AFAP1: variants seen among roughly 807,000 people sequenced by gnomAD.
The protein encoded by AFAP1 is actin filament-associated protein 1.
A neutral mutation model predicts 93.9 loss-of-function variants in AFAP1; 75 were observed. That is an observed-to-expected ratio of 0.80 (90% CI 0.66 to 0.97). AFAP1 has a LOEUF of 0.97. Ranked by LOEUF, AFAP1 falls within the 50% of genes least tolerant of loss-of-function variation. The pLI, the probability that AFAP1 is intolerant of heterozygous loss-of-function variation, is 0.00. For missense variants in AFAP1, 1,201 were observed against 1,050.8 expected, an observed-to-expected ratio of 1.14 and a Z score of -1.98; for synonymous variants, 517 against 430.7, an observed-to-expected ratio of 1.20 and a Z score of -2.48.
At chr4:7,797,398 A>G (rs1718532223) in intron 10 of AFAP1, among the ~76,000 whole-genome samples, 1 of 152,214 alleles carries the variant, frequency 6.6e-6, no homozygotes, top group East Asian at 1.9e-4. Flanking sequence ...GATCAAAATT[A>G]ACATCATGAG....
chr4:7,817,047 A>G (rs116810944), intron 7 of AFAP1, among the ~76,000 whole-genome samples: 5 of 152,326 alleles, frequency 3.3e-5, no homozygotes, highest in Non-Finnish European at 5.9e-5. Context: ...AGAAACCAAC[A>G]TAAGTAAAGC....
At position 7,840,267 on chromosome 4, in the gene AFAP1, T is replaced by C. The variant is rs868269050; in HGVS notation, c.547-1564A>G. Among the ~76,000 whole-genome samples, 4 of 144,820 alleles carry C rather than the reference T, an allele frequency of 2.8e-5. No homozygotes were observed. The South Asian group carries it at 6.5e-4, about 23-fold the overall frequency. On this transcript the variant is annotated intron_variant, in intron 5 of 17. Coordinates refer to ENST00000420658, the MANE Select transcript of AFAP1 (RefSeq NM_001134647.2). ...CTTTCTGGTTTGTTTTTGGGATGTG[T>C]GTGTGTGTGTGTGTGTGTGTTCCTG... is the stretch of plus-strand genomic sequence containing the variant.
intron 11 of AFAP1, among the ~76,000 whole-genome samples, chr4:7,792,932 G>A (rs931947786): frequency 3.3e-5 from 5 of 152,144 alleles, no homozygotes; most frequent in South Asian, 4.1e-4. Context: ...CTATTGGTGC[G>A]AAGCTGCCAG....
chr4:7,894,183 A>T (rs1266633233), intron 1 of AFAP1, among the ~76,000 whole-genome samples: 2 of 152,216 alleles, frequency 1.3e-5, no homozygotes, highest in Non-Finnish European at 2.9e-5. Flanking sequence ...ACTGCAGCCC[A>T]CACCTGGCCC....
intron 5 of AFAP1, among the ~76,000 whole-genome samples, chr4:7,841,370 C>T (rs1394772557): frequency 6.6e-6 from 1 of 152,230 alleles, no homozygotes; most frequent in Non-Finnish European, 1.5e-5. Flanking sequence ...CTCTTCAATG[C>T]AGACAGTCCC....
intron 9 of AFAP1, among the ~76,000 whole-genome samples, chr4:7,804,032 C>G (rs927035971): frequency 6.6e-6 from 1 of 152,158 alleles, no homozygotes; most frequent in Non-Finnish European, 1.5e-5. Context: ...GAAGAGGCCA[C>G]GAAGGAAATG....
chr4:7,826,034 T>C (rs1721388709), intron 6 of AFAP1, among the ~76,000 whole-genome samples: 1 of 150,854 alleles, frequency 6.6e-6, no homozygotes, highest in African/African-American at 2.4e-5. Context: ...AACTAAATCC[T>C]AAAAGTGAAG....
chr4:7,790,701 A>G (rs949316789), intron 11 of AFAP1, among the ~76,000 whole-genome samples: 1 of 149,796 alleles, frequency 6.7e-6, no homozygotes, highest in East Asian at 1.9e-4. Context: ...CATAGTACTT[A>G]AAGAATTGGA....
intron 2 of AFAP1, among the ~76,000 whole-genome samples, chr4:7,871,414 G>C (rs964707003): frequency 1.3e-5 from 2 of 152,112 alleles, no homozygotes; most frequent in Admixed American, 1.3e-4. Context: ...CTAGAGGACC[G>C]GACCCAAGTA....
At position 7,816,117 on chromosome 4, in the gene AFAP1, T is replaced by TCAC; in HGVS notation, c.823-19_823-18insGTG. The TCAC allele has an allele frequency of 6.2e-7, 1 of 1,600,604 alleles. No individual in the cohort carries two copies. The highest frequency in any genetic ancestry group is 8.5e-7 in the Non-Finnish European group (1 of 1,172,028). On this transcript the variant is annotated intron_variant, in intron 7 of 17. Coordinates refer to ENST00000420658, the MANE Select transcript of AFAP1 (RefSeq NM_001134647.2). ...GACAGTTTCTGTAAGGAGAAAAAGA[T>TCAC]TAAGTTATTCTTACAGTGGTCACTT...
intron 13 of AFAP1, 102 bp downstream of exon 13, chr4:7,781,274 G>T: frequency 7.3e-7 from 1 of 1,367,144 alleles, no homozygotes; most frequent in Non-Finnish European, 9.8e-7. Context: ...AACACATTAT[G>T]CTTTGCCTTT....
intron 13 of AFAP1, 95 bp from the exon 14 acceptor site, chr4:7,778,971 A>C: frequency 2.0e-6 from 2 of 975,890 alleles, no homozygotes; most frequent in Non-Finnish European, 3.0e-6. Context: ...TTCAGTCTCT[A>C]AGTATTGTAG....
chr4:7,793,298 A>T lies in AFAP1; in HGVS notation c.1412+383T>A, dbSNP rs114334518. On this transcript the variant is annotated intron_variant, in intron 11 of 17. Transcript: ENST00000420658. ...CTGTTCCCCTAATACAGGGGTCAGC[A>T]AACTATTGGCCAAATCCAGGCCACG... Among the ~76,000 whole-genome samples the T allele has an allele frequency of 1.6e-3, 245 of 152,332 alleles. 1 individual carries two copies. Among genetic ancestry groups the T allele is most frequent in the African/African-American group, 5.7e-3 (238 of 41,576 alleles).
In AFAP1 at chr4:7,838,740, G is replaced by A. The variant is rs369408589; in HGVS notation, c.547-37C>T. The stretch of plus-strand genomic sequence containing the variant: ...ACAACAAATCAACTGATATTATAAG[G>A]GAGTTCGAACAGAAACACTGAGGAA... On this transcript the variant is annotated intron_variant, in intron 5 of 17. Coordinates refer to ENST00000420658, the MANE Select transcript of AFAP1 (RefSeq NM_001134647.2). 3.7e-6 allele frequency: 6 copies of A among 1,600,912 alleles called. No individual in the cohort carries two copies. In the African/African-American group the frequency reaches 5.4e-5, roughly 14 times the overall value.
Position 7,939,377 on chromosome 4 carries a change from CG to C in AFAP1, c.-3+278del. 1 of 319,098 alleles carries C rather than the reference CG, an allele frequency of 3.1e-6. No individual in the cohort carries two copies. Among genetic ancestry groups the C allele is most frequent in the Non-Finnish European group, 6.3e-6 (1 of 159,426 alleles). 19.8% of individuals were successfully genotyped at this position (319,098 alleles called of 1,614,324 possible). A position where few individuals can be genotyped will look rare whatever the true frequency, so the allele number is the denominator to read the frequency against. ...GGGACCAGCCACGCCGCGGGGGCAC[CG>C]GGCAGGAGCCAGCGCCCGGGTCCAC... On this transcript the variant is annotated intron_variant, in intron 1 of 17. Coordinates refer to ENST00000420658, the MANE Select transcript of AFAP1 (RefSeq NM_001134647.2). This position sits in a 1 kb window ranked among gnomAD's most constrained non-coding sequence, Gnocchi z 5.6.
chr4:7,821,365 G>T (rs1029518463), intron 6 of AFAP1, among the ~76,000 whole-genome samples: 2 of 152,154 alleles, frequency 1.3e-5, no homozygotes, highest in African/African-American at 2.4e-5. Flanking sequence ...GATGACCTAT[G>T]ATAAGAGCTC....
At chr4:7,786,425 G>T (rs1193557173) in intron 11 of AFAP1, 114 bp from the exon 12 acceptor site, 1 of 833,404 alleles carries the variant, frequency 1.2e-6, no homozygotes, top group Non-Finnish European at 2.0e-6. Flanking sequence ...GGTCACAGGG[G>T]CAGAGAAGAA....
intron 16 of AFAP1, among the ~76,000 whole-genome samples, chr4:7,771,391 G>A (rs894152227): frequency 8.6e-5 from 13 of 151,954 alleles, no homozygotes; most frequent in Admixed American, 2.6e-4. Flanking sequence ...AGTATGTATC[G>A]TATAAATATA....
At chr4:7,820,571 A>AGAGGGAGAAGAGAGCTCCACG in intron 6 of AFAP1, among the ~76,000 whole-genome samples, 1 of 152,260 alleles carries the variant, frequency 6.6e-6, no homozygotes, top group South Asian at 2.1e-4. Flanking sequence ...GTCTCCAAGG[A>AGAGGGAGAAGAGAGCTCCACG]GAGGGAGAAG....
Sources: gnomAD v4.1 joint callset for allele counts (sites outside exome capture counted in the v4.1 genomes callset) on GRCh38, gnomAD v4.1.1 for gene constraint, Gnocchi (gnomAD v3.1) non-coding constraint, MANE v1.5 for transcripts, NCBI Gene and HGNC (gene_info 2026-07-23, HGNC 2026-07-21) for gene names.